Variants in MTMR7 observed in about 807,000 individuals in gnomAD.
MTMR7 encodes myotubularin related protein 7.
MTMR7 carries 76 observed loss-of-function variants against 81.2 expected under a neutral mutation model. That is an observed-to-expected ratio of 0.94 (90% CI 0.78 to 1.13). MTMR7 has a LOEUF of 1.13. Ranked by LOEUF, MTMR7 falls within the 50% of genes most tolerant of loss-of-function variation. The pLI is 0.00. For synonymous variants in MTMR7, 372 were observed against 289.8 expected, an observed-to-expected ratio of 1.28 and a Z score of -2.88; for missense variants, 1,044 against 820.0, an observed-to-expected ratio of 1.27 and a Z score of -3.34.
At chr8:17,374,371 C>G (rs1311976573) in intron 1 of MTMR7, among the ~76,000 whole-genome samples, 1 of 151,994 alleles carries the variant, frequency 6.6e-6, no homozygotes, top group East Asian at 1.9e-4. Context: ...GCCTGTAATC[C>G]CAGCACTTTG....
intron 13 of MTMR7, among the ~76,000 whole-genome samples, chr8:17,300,932 G>A (rs183710193): frequency 1.1e-4 from 17 of 152,262 alleles, no homozygotes; most frequent in Non-Finnish European, 2.2e-4. Flanking sequence ...TTCATTCATG[G>A]TACAGCATGT....
chr8:17,408,538 C>G (rs1195583949), intron 1 of MTMR7, among the ~76,000 whole-genome samples: 1 of 151,808 alleles, frequency 6.6e-6, no homozygotes, highest in East Asian at 1.9e-4. Flanking sequence ...ACTGAGAGAA[C>G]TACTGAATCT....
rs189103294 is a variant in MTMR7, at chr8:17,397,325, G to T, written c.24+15944C>A. 1.4e-3 allele frequency among the ~76,000 whole-genome samples: 216 copies of T among 152,272 alleles called. 3 individuals carry two copies. The highest frequency in any genetic ancestry group is 5.0e-3 in the African/African-American group (207 of 41,548). Reference sequence around the variant, plus strand: ...GACATCATTTCTGGACCTGCCCTAGGCTAGAGGGGAGCTCAATGCCCTGAA... The same window carrying T: ...GACATCATTTCTGGACCTGCCCTAGTCTAGAGGGGAGCTCAATGCCCTGAA... On this transcript the variant is annotated intron_variant, in intron 1 of 13. Coordinates refer to ENST00000180173, the MANE Select transcript of MTMR7 (RefSeq NM_004686.5).
intron 4 of MTMR7, among the ~76,000 whole-genome samples, chr8:17,356,445 T>C (rs1386288635): frequency 6.6e-6 from 1 of 152,130 alleles, no homozygotes; most frequent in African/African-American, 2.4e-5. Context: ...TTGCCTGTAA[T>C]CCCAACATTT....
chr8:17,302,358 CTATG>C, intron 12 of MTMR7, 78 bp from the exon 13 acceptor site: 8 of 1,462,356 alleles, frequency 5.5e-6, no homozygotes, highest in Non-Finnish European at 6.4e-6. Context: ...TCTAAGGTAT[CTATG>C]ATACCACAGT....
rs760803217 is a variant in MTMR7, at chr8:17,413,276, G to A, written c.17C>T (p.Thr6Met). MEHIR[T>M]PKVENVRLVD... ...CGCGCTGGTGTCACCAACCTTGGGC[G>A]TACGGATGTGCTCCATGGCTGGCCC... The change falls in exon 1 of 14, where the codon ACG (threonine) becomes ATG (methionine). Residue 6 changes from threonine to methionine, a missense_variant. By Grantham distance (81) the Thr-to-Met change is moderately conservative. Transcript: ENST00000180173. 47 of 1,548,082 alleles carry A rather than the reference G, an allele frequency of 3.0e-5. No individual in the cohort carries two copies. Among genetic ancestry groups the A allele is most frequent in the Middle Eastern group, 1.7e-4 (1 of 5,988 alleles).
At chr8:17,324,976 T>C (rs2239864) in intron 7 of MTMR7, among the ~76,000 whole-genome samples, 44,258 of 151,996 alleles carry the variant, frequency 0.29, 8,005 homozygotes, top group African/African-American at 0.5. Context: ...GGTAATGTGA[T>C]AAAAGAAATA....
chr8:17,315,460 G>C (rs1487079888), intron 7 of MTMR7, among the ~76,000 whole-genome samples: 12 of 152,148 alleles, frequency 7.9e-5, no homozygotes, highest in Admixed American at 7.2e-4. Flanking sequence ...GAACCGTACA[G>C]TGGACTTTGA....
chr8:17,395,956 T>C (rs1407202447), intron 1 of MTMR7, among the ~76,000 whole-genome samples: 1 of 151,986 alleles, frequency 6.6e-6, no homozygotes, highest in Admixed American at 6.5e-5. Context: ...GTATTTAGAG[T>C]CTATGACCTC....
At chr8:17,300,351 T>TGTGA in intron 13 of MTMR7, 127 bp from the exon 14 acceptor site, 5 of 1,073,890 alleles carry the variant, frequency 4.7e-6, no homozygotes, top group Non-Finnish European at 6.5e-6. Flanking sequence ...CTCAGAGGGA[T>TGTGA]GTGAGTTCAA....
At chr8:17,378,379 A>C (rs1820654589) in intron 1 of MTMR7, among the ~76,000 whole-genome samples, 1 of 152,244 alleles carries the variant, frequency 6.6e-6, no homozygotes, top group African/African-American at 2.4e-5. Context: ...GTTTATACTA[A>C]GACGTTGAAA....
At chr8:17,313,668 T>A (rs991464422) in intron 7 of MTMR7, among the ~76,000 whole-genome samples, 1 of 152,204 alleles carries the variant, frequency 6.6e-6, no homozygotes, top group African/African-American at 2.4e-5. Context: ...ATCCTAATAT[T>A]AATGAAAATC....
At chr8:17,320,932 A>T (rs902529963) in intron 7 of MTMR7, among the ~76,000 whole-genome samples, 5 of 151,924 alleles carry the variant, frequency 3.3e-5, no homozygotes, top group African/African-American at 1.2e-4. Context: ...CACACATTCC[A>T]CTGCGTGAAG....
At chr8:17,389,717 G>A (rs1386822765) in intron 1 of MTMR7, among the ~76,000 whole-genome samples, 1 of 152,150 alleles carries the variant, frequency 6.6e-6, no homozygotes, top group Non-Finnish European at 1.5e-5. Context: ...AGATTCAGCT[G>A]TGGAAGATGT....
At chr8:17,397,158 T>C (rs1428038278) in intron 1 of MTMR7, among the ~76,000 whole-genome samples, 1 of 151,898 alleles carries the variant, frequency 6.6e-6, no homozygotes, top group Non-Finnish European at 1.5e-5. Context: ...GTGGAGGCTA[T>C]GGAGAGAGAC....
chr8:17,398,775 G>C (rs1385908603), intron 1 of MTMR7, among the ~76,000 whole-genome samples: 1 of 152,088 alleles, frequency 6.6e-6, no homozygotes, highest in Non-Finnish European at 1.5e-5. Context: ...TCAAGGCATA[G>C]TACAATAAGA....
At chr8:17,343,284 G>C (rs1819458579) in intron 5 of MTMR7, among the ~76,000 whole-genome samples, 1 of 152,054 alleles carries the variant, frequency 6.6e-6, no homozygotes, top group South Asian at 2.1e-4. Context: ...ACAAACATTA[G>C]GTGGGCATGG....
At chr8:17,337,035 C>G (rs1304579132) in intron 6 of MTMR7, among the ~76,000 whole-genome samples, 1 of 152,124 alleles carries the variant, frequency 6.6e-6, no homozygotes, top group Non-Finnish European at 1.5e-5. Context: ...CAAAACAAAA[C>G]AAAACCCTCC....
At chr8:17,361,875 T>C (rs1183801947) in intron 3 of MTMR7, among the ~76,000 whole-genome samples, 2 of 152,348 alleles carry the variant, frequency 1.3e-5, no homozygotes, top group Non-Finnish European at 2.9e-5. Context: ...AATCAATTCA[T>C]ACTGCACAGC....
Sources: allele counts gnomAD v4.1 joint callset (sites outside exome capture counted in the v4.1 genomes callset), GRCh38; gene constraint gnomAD v4.1.1; transcripts MANE v1.5; gene names NCBI Gene and HGNC (gene_info 2026-07-23, HGNC 2026-07-21).